Variants in PXDN observed in about 807,000 individuals in gnomAD.
PXDN encodes the protein peroxidasin homolog.
In PXDN, 77 loss-of-function variants were observed where a neutral mutation model predicts 140.3. That is an observed-to-expected ratio of 0.55 (90% CI 0.46 to 0.66). The LOEUF is 0.66. Among genes scored for constraint, PXDN ranks in the 30% least tolerant of loss-of-function variants. The probability of loss-of-function intolerance (pLI) is 0.00; values close to 1 mark genes in which losing one functional copy is unlikely to be tolerated. For missense variants in PXDN, 1,838 were observed against 2,039.5 expected (o/e 0.90, Z 1.90); for synonymous variants, 911 against 857.4 (o/e 1.06, Z -1.09).
chr2:1,658,111 C>T (rs1445555138), intron 14 of PXDN, among the ~76,000 whole-genome samples: 3 of 143,880 alleles, frequency 2.1e-5, no homozygotes, highest in Non-Finnish European at 3.0e-5. Flanking sequence ...TGTCTGCGTG[C>T]GTCCACTCTC....
chr2:1,675,888 G>A (rs1683693987), intron 8 of PXDN, among the ~76,000 whole-genome samples: 1 of 152,216 alleles, frequency 6.6e-6, no homozygotes, highest in South Asian at 2.1e-4. Flanking sequence ...ACTAAACATG[G>A]CCAGAGAGGA....
chr2:1,692,515 G>C, intron 2 of PXDN: 1 of 471,736 alleles, frequency 2.1e-6, no homozygotes, highest in South Asian at 1.5e-5. Flanking sequence ...CAGTCCCCAT[G>C]ACCCTGCTCT....
rs760867837 is a variant in PXDN, at chr2:1,663,632, C to G, written c.1540G>C (p.Val514Leu). The G allele has an allele frequency of 1.2e-6, 2 of 1,613,892 alleles. No homozygotes were observed. Among genetic ancestry groups the G allele is most frequent in the Non-Finnish European group, 1.7e-6 (2 of 1,179,918 alleles). Residue 514 changes from valine (V) to leucine (L), a missense_variant, in exon 12 of 23, where the codon GTG (valine) becomes CTG (leucine). By Grantham distance (32) the Val-to-Leu change is conservative. This residue lies in a region of PXDN where 537 missense variants were observed against 583.9 expected (regional missense o/e 0.92). Coordinates refer to ENST00000252804, the MANE Select transcript of PXDN (RefSeq NM_012293.3). Reference protein sequence around the residue: ...AVNIIGSQKVVAHLTVQPRVT... With the variant: ...AVNIIGSQKVLAHLTVQPRVT... ...CTGGGCTGCACAGTCAGGTGGGCCA[C>G]GACCTTCTGGGAGCCGATGATGTTG...
Position 1,685,272 on chromosome 2 carries a change from C to T in PXDN, c.417-1121G>A, listed in dbSNP as rs945034547. Among the ~76,000 whole-genome samples the T allele has an allele frequency of 2.0e-5, 3 of 152,212 alleles. No homozygotes were observed. The highest frequency in any genetic ancestry group is 4.8e-5 in the African/African-American group (2 of 41,454). On this transcript the variant is annotated intron_variant, in intron 4 of 22. Transcript: ENST00000252804. This position sits in a 1 kb window ranked among gnomAD's most constrained non-coding sequence, Gnocchi z 5.1. ...GGACAGGTCTGTGCTCAGCACTCCG[C>T]GCACGAATGGGAAACGTGAGGGAAG... is the stretch of plus-strand genomic sequence containing the variant.
intron 1 of PXDN, among the ~76,000 whole-genome samples, chr2:1,726,413 C>T (rs1198350264): frequency 1.6e-5 from 2 of 123,560 alleles, no homozygotes; most frequent in African/African-American, 6.5e-5. Context: ...GAACATCACA[C>T]TCTGGGGACT....
intron 1 of PXDN, among the ~76,000 whole-genome samples, chr2:1,724,790 T>C (rs1445780968): frequency 6.6e-6 from 1 of 152,230 alleles, no homozygotes; most frequent in Non-Finnish European, 1.5e-5. Context: ...AATCAGGAAG[T>C]GTAATGCCTC....
At chr2:1,710,541 A>ACT (rs199876636) in intron 1 of PXDN, among the ~76,000 whole-genome samples, 3 of 116,814 alleles carry the variant, frequency 2.6e-5, no homozygotes, top group South Asian at 5.8e-4. Context: ...ACGAACACCC[A>ACT]CTCCACCAGC....
chr2:1,647,250 T>TG (rs1041746392), intron 17 of PXDN, among the ~76,000 whole-genome samples: 1 of 151,814 alleles, frequency 6.6e-6, no homozygotes, highest in African/African-American at 2.4e-5. Flanking sequence ...AGAAATAACA[T>TG]GAAAAAAAAG....
chr2:1,678,471 A>G (rs1031349846), intron 7 of PXDN, among the ~76,000 whole-genome samples: 4 of 152,218 alleles, frequency 2.6e-5, no homozygotes, highest in African/African-American at 7.2e-5. Context: ...AGCTATTATA[A>G]AAAACAAGAA....
intron 21 of PXDN, chr2:1,636,264 G>T (rs975996146): frequency 6.6e-6 from 1 of 152,624 alleles, no homozygotes; most frequent in Non-Finnish European, 1.5e-5. Flanking sequence ...TGTCTGAAAT[G>T]AACACAAATT....
At chr2:1,692,211 T>A (rs960949186) in intron 2 of PXDN, among the ~76,000 whole-genome samples, 1 of 152,252 alleles carries the variant, frequency 6.6e-6, no homozygotes, top group Non-Finnish European at 1.5e-5. Flanking sequence ...ATGGTGTCCG[T>A]ACCACTCCAC....
At chr2:1,667,376 A>G (rs550319099) in intron 9 of PXDN, among the ~76,000 whole-genome samples, 2 of 152,296 alleles carry the variant, frequency 1.3e-5, no homozygotes, top group East Asian at 3.9e-4. Context: ...ATCCCAAAGA[A>G]ATACAAACTA....
intron 21 of PXDN, 23 bp downstream of exon 21, chr2:1,638,823 A>T: frequency 6.2e-7 from 1 of 1,613,626 alleles, no homozygotes; most frequent in Non-Finnish European, 8.5e-7. Context: ...GAGTGGGGGG[A>T]CACAGGCCGC....
chr2:1,666,601 A>G, intron 9 of PXDN, 115 bp from the exon 10 acceptor site: 1 of 1,231,902 alleles, frequency 8.1e-7, no homozygotes, highest in Non-Finnish European at 1.1e-6. Context: ...AGGCAAAACA[A>G]ACACAACGTA....
chr2:1,673,590 G>C, intron 9 of PXDN, 53 bp downstream of exon 9: 1 of 1,562,314 alleles, frequency 6.4e-7, no homozygotes. Flanking sequence ...AAGGCAGATA[G>C]TGAGGGACGA....
chr2:1,647,279 G>C (rs865981016), intron 17 of PXDN, among the ~76,000 whole-genome samples: 6 of 152,188 alleles, frequency 3.9e-5, no homozygotes, highest in African/African-American at 1.4e-4. Context: ...TAAAAGATGT[G>C]AATATCTAGC....
chr2:1,704,724 G>A (rs1296149030), intron 1 of PXDN, among the ~76,000 whole-genome samples: 1 of 152,038 alleles, frequency 6.6e-6, no homozygotes, highest in African/African-American at 2.4e-5. Context: ...GAGACAAATG[G>A]CTGCACTGTC....
chr2:1,668,739 C>G (rs1683506771), intron 9 of PXDN, among the ~76,000 whole-genome samples: 1 of 151,998 alleles, frequency 6.6e-6, no homozygotes, highest in African/African-American at 2.4e-5. Context: ...GAAATCAAAA[C>G]CACAATGAGA....
chr2:1,683,898 A>G (rs1156265188), intron 5 of PXDN, among the ~76,000 whole-genome samples, 171 bp from the exon 6 acceptor site: 2 of 152,054 alleles, frequency 1.3e-5, no homozygotes, highest in Non-Finnish European at 2.9e-5. Flanking sequence ...TTCCTGTTTT[A>G]TCAACACTCT....
Sources: allele counts gnomAD v4.1 joint callset (sites outside exome capture counted in the v4.1 genomes callset), GRCh38; gene constraint gnomAD v4.1.1; regional missense constraint gnomAD v4.1.1; non-coding constraint Gnocchi (gnomAD v3.1); transcripts MANE v1.5; gene names NCBI Gene and HGNC (gene_info 2026-07-23, HGNC 2026-07-21).